Variants in MAP2K4 observed in about 807,000 individuals in gnomAD.
MAP2K4 encodes the protein mitogen-activated protein kinase kinase 4.
Under a neutral mutation model 48.5 loss-of-function variants are expected in MAP2K4, and 4 were observed. The ratio of observed to expected loss-of-function variants is 0.08; its 90% CI spans 0.04 to 0.19. The LOEUF is 0.19. MAP2K4 is among the 10% of genes least tolerant of loss of function. The pLI is 1.00. For synonymous variants in MAP2K4, 166 were observed against 173.1 expected, an observed-to-expected ratio of 0.96 and a Z score of 0.32; for missense variants, 258 against 493.3, an observed-to-expected ratio of 0.52 and a Z score of 4.52.
chr17:12,116,039 A>G (rs1972483199), intron 7 of MAP2K4, among the ~76,000 whole-genome samples: 1 of 152,210 alleles, frequency 6.6e-6, no homozygotes, highest in Non-Finnish European at 1.5e-5. Context: ...CTGTTACATG[A>G]ACTGTGCACT....
intron 7 of MAP2K4, 145 bp downstream of exon 7, chr17:12,113,505 C>T: frequency 1.1e-6 from 1 of 911,908 alleles, no homozygotes; most frequent in Non-Finnish European, 1.6e-6. Flanking sequence ...AGGTCCTAGC[C>T]TCTCCATGAA....
intron 2 of MAP2K4, among the ~76,000 whole-genome samples, chr17:12,060,444 C>CTGAA (rs1970411414): frequency 6.6e-6 from 1 of 152,168 alleles, no homozygotes; most frequent in Admixed American, 6.5e-5. Flanking sequence ...ACTGTGCTGA[C>CTGAA]TGAAGTGTTT....
chr17:12,034,774 C>T (rs1324881774), intron 1 of MAP2K4, among the ~76,000 whole-genome samples: 1 of 152,202 alleles, frequency 6.6e-6, no homozygotes, highest in Non-Finnish European at 1.5e-5. Context: ...TCCTGGTCAC[C>T]TTTGCTCCTG....
At chr17:12,047,511 G>A (rs545675437) in intron 1 of MAP2K4, among the ~76,000 whole-genome samples, 5 of 152,176 alleles carry the variant, frequency 3.3e-5, no homozygotes, top group African/African-American at 9.7e-5. Flanking sequence ...AAACTAGGCC[G>A]ATTGGCACTG....
chr17:12,022,340 C>T (rs1453517997), intron 1 of MAP2K4, among the ~76,000 whole-genome samples: 1 of 152,170 alleles, frequency 6.6e-6, no homozygotes, highest in Non-Finnish European at 1.5e-5. Flanking sequence ...TGTGCAGGCC[C>T]TCAGATAATT....
chr17:12,108,559 A>AT (rs1005160957), intron 5 of MAP2K4, among the ~76,000 whole-genome samples: 9 of 126,244 alleles, frequency 7.1e-5, no homozygotes, highest in Non-Finnish European at 1.1e-4. Context: ...CTGAATCTTA[A>AT]TTTTTTTTCC....
rs139178437 is a variant in MAP2K4, at chr17:12,078,943, C to T, written c.219-2413C>T. 7.6e-3 allele frequency among the ~76,000 whole-genome samples: 1,156 copies of T among 152,204 alleles called. 12 individuals carry two copies. Among genetic ancestry groups the T allele is most frequent in the African/African-American group, 0.025 (1,032 of 41,512 alleles). On this transcript the variant is annotated intron_variant, in intron 2 of 10. Transcript: ENST00000353533. ...AAAGATCGCTAGCCCAGTATAAAGA[C>T]GAATGTATGAACATGCCTTGGTGAT...
intron 1 of MAP2K4, among the ~76,000 whole-genome samples, chr17:12,049,160 C>T (rs569131416): frequency 1.3e-5 from 2 of 152,022 alleles, no homozygotes; most frequent in Non-Finnish European, 2.9e-5. Flanking sequence ...AAAATTATTC[C>T]AGGTAATCTT....
chr17:12,025,346 G>T (rs1368153946), intron 1 of MAP2K4, among the ~76,000 whole-genome samples: 1 of 152,132 alleles, frequency 6.6e-6, no homozygotes, highest in Admixed American at 6.5e-5. Context: ...AAAGTGCTTT[G>T]AAAATTATAG....
At position 12,105,709 on chromosome 17, in the gene MAP2K4, T is replaced by C. The variant is rs183044724; in HGVS notation, c.514-2081T>C. Among the ~76,000 whole-genome samples the C allele has an allele frequency of 2.0e-5, 3 of 152,226 alleles. No homozygotes were observed. The East Asian group carries it at 5.8e-4, about 29-fold the overall frequency. On this transcript the variant is annotated intron_variant, in intron 4 of 10. Transcript: ENST00000353533. ...CAGCTCATTGCCATTGTGTTGTTTG[T>C]ATGACCAAAAGGAACTGTCAGAGAG...
chr17:12,054,126 T>C (rs1442878962), intron 1 of MAP2K4, among the ~76,000 whole-genome samples: 1 of 152,156 alleles, frequency 6.6e-6, no homozygotes. Context: ...ATTTCAATTG[T>C]AGTGAAAAAA....
At chr17:12,096,789 A>C (rs1445107832) in intron 4 of MAP2K4, among the ~76,000 whole-genome samples, 1 of 152,196 alleles carries the variant, frequency 6.6e-6, no homozygotes, top group East Asian at 1.9e-4. Context: ...AGTTAATTCT[A>C]AACCTAATTC....
intron 9 of MAP2K4, 134 bp downstream of exon 9, chr17:12,129,421 T>G: frequency 1.0e-6 from 1 of 980,504 alleles, no homozygotes; most frequent in Non-Finnish European, 1.6e-6. Context: ...AAGCTGGGAC[T>G]CTGGATCACT....
chr17:12,042,033 T>C (rs998899220), intron 1 of MAP2K4, among the ~76,000 whole-genome samples: 1 of 151,692 alleles, frequency 6.6e-6, no homozygotes. Flanking sequence ...ATACAAAAAT[T>C]AGCCGGGTGT....
At chr17:12,042,167 C>CAAAA (rs71142262) in intron 1 of MAP2K4, among the ~76,000 whole-genome samples, 631 of 54,464 alleles carry the variant, frequency 0.012, 20 homozygotes, top group Non-Finnish European at 0.016. Flanking sequence ...AACTTTGTCT[C>CAAAA]AAAAAAAAAA....
In MAP2K4 at chr17:12,141,923, C is replaced by T. The variant is rs541405516; in HGVS notation, c.*663C>T. 4 of 233,416 alleles carry T rather than the reference C, an allele frequency of 1.7e-5. No homozygotes were observed. The South Asian group carries it at 7.2e-4, about 42-fold the overall frequency. 14.5% of individuals were successfully genotyped at this position (233,416 alleles called of 1,614,324 possible). A position where few individuals can be genotyped will look rare whatever the true frequency, so the allele number is the denominator to read the frequency against. ...ACCATGTTGCGTTCAAAGAGGTGAA[C>T]ATTAAAATATAGAGACAGGACAGAA... On this transcript the variant is annotated 3_prime_UTR_variant, in exon 11 of 11. Transcript: ENST00000353533.
At chr17:12,118,426 T>C (rs1207497758) in intron 7 of MAP2K4, among the ~76,000 whole-genome samples, 4 of 152,146 alleles carry the variant, frequency 2.6e-5, no homozygotes, top group Non-Finnish European at 4.4e-5. Context: ...CAGTCCATTA[T>C]TATACTAATC....
intron 7 of MAP2K4, among the ~76,000 whole-genome samples, chr17:12,118,194 A>G (rs1972564420): frequency 6.6e-6 from 1 of 152,206 alleles, no homozygotes; most frequent in Non-Finnish European, 1.5e-5. Flanking sequence ...GATGATGAAA[A>G]TTCAACATCA....
chr17:12,127,389 T>C (rs1190354542), intron 8 of MAP2K4, among the ~76,000 whole-genome samples: 2 of 152,236 alleles, frequency 1.3e-5, no homozygotes, highest in Non-Finnish European at 2.9e-5. Flanking sequence ...ACACAGGATA[T>C]TTACAATTCA....
Sources: gnomAD v4.1 joint callset for allele counts (sites outside exome capture counted in the v4.1 genomes callset) on GRCh38, gnomAD v4.1.1 for gene constraint, MANE v1.5 for transcripts, NCBI Gene and HGNC (gene_info 2026-07-23, HGNC 2026-07-21) for gene names.